PLA2G4D: variants seen among roughly 807,000 people sequenced by gnomAD.
The protein encoded by PLA2G4D is phospholipase A2 group IVD, also known as cytosolic phospholipase A2 delta.
Under a neutral mutation model 94.4 loss-of-function variants are expected in PLA2G4D, and 80 were observed. The observed-to-expected ratio is 0.85, with a 90% CI of 0.71 to 1.02. The LOEUF is 1.02. Among genes scored for constraint, PLA2G4D ranks in the 50% least tolerant of loss-of-function variants. The pLI, the probability that PLA2G4D is intolerant of heterozygous loss-of-function variation, is 0.00. For missense variants in PLA2G4D, 1,050 were observed against 1,034.7 expected (o/e 1.01, Z -0.20); for synonymous variants, 438 against 440.9 (o/e 0.99, Z 0.08).
intron 13 of PLA2G4D, among the ~76,000 whole-genome samples, chr15:42,073,792 C>T (rs1411186614): frequency 6.6e-6 from 1 of 152,128 alleles, no homozygotes; most frequent in Admixed American, 6.5e-5. Context: ...GGATTCCTAC[C>T]CAGCCTACCC....
At position 42,079,648 on chromosome 15, in the gene PLA2G4D, T is replaced by C. The variant is rs747210167; in HGVS notation, c.1206A>G (p.Pro402=). The C allele has an allele frequency of 4.3e-6, 7 of 1,612,962 alleles. No homozygotes were observed. The Admixed American group carries it at 8.4e-5, about 19-fold the overall frequency. The stretch of plus-strand genomic sequence containing the variant: ...CCCGGCGGTAGCTCGCCAGGCGCTC[T>C]GGGGAAAAGACCTCCAGCTTGCTCT... ...LAKSKLEVFS[P]ERLASYRREL... is the part of the protein sequence containing the mutation. The change falls in exon 13 of 20, where the codon CCA becomes CCG. Residue 402 remains proline, a synonymous_variant. Transcript: ENST00000290472.
In PLA2G4D at chr15:42,071,513, C is replaced by T. The variant is rs148855827; in HGVS notation, c.1612G>A (p.Ala538Thr). Residue 538 changes from alanine to threonine, a missense_variant, in exon 16 of 20, where the codon GCC becomes ACC. Ala to Thr is a moderately conservative substitution (Grantham distance 58). Coordinates refer to ENST00000290472, the MANE Select transcript of PLA2G4D (RefSeq NM_178034.4). The part of the protein sequence containing the change: ...SNIFSLNLLD[A>T]WYDLTSSGES... ...CCAGAACTGGTGAGGTCATACCAGGCATCCAGCAGGTTCAGGGAGAAAATG... is the reference window on the plus strand; with the variant it reads ...CCAGAACTGGTGAGGTCATACCAGGTATCCAGCAGGTTCAGGGAGAAAATG... 1.2e-6 allele frequency: 2 copies of T among 1,613,838 alleles called. No homozygotes were observed. The highest frequency in any genetic ancestry group is 2.7e-5 in the African/African-American group (2 of 74,908).
Position 42,081,787 on chromosome 15 carries a change from T to G in PLA2G4D, c.821+10A>C, listed in dbSNP as rs1279001848. The G allele has an allele frequency of 6.2e-7, 1 of 1,614,048 alleles. No homozygotes were observed. The highest frequency in any genetic ancestry group is 1.3e-5 in the African/African-American group (1 of 74,916). ...CTCTCACTGTCCCCACAGATGTGAA[T>G]GTCCCTTACCAGCCCTCTGCCTTGA... is the stretch of plus-strand genomic sequence containing the variant. On this transcript the variant is annotated intron_variant, in intron 10 of 19. Coordinates refer to ENST00000290472, the MANE Select transcript of PLA2G4D (RefSeq NM_178034.4).
At position 42,068,642 on chromosome 15, in the gene PLA2G4D, C is replaced by A. The variant is rs1354525666; in HGVS notation, c.*73G>T. On this transcript the variant is annotated 3_prime_UTR_variant, in exon 20 of 20. Transcript: ENST00000290472. ...GAGCCCAGAACTCCAACCAGGAAGG[C>A]CTGTGGCTGAGCCCAGCTACAGATC... 4 of 1,413,788 alleles carry A rather than the reference C, an allele frequency of 2.8e-6. No homozygotes were observed. Among genetic ancestry groups the A allele is most frequent in the African/African-American group, 1.4e-5 (1 of 70,202 alleles). 87.6% of individuals were successfully genotyped at this position (1,413,788 alleles called of 1,614,324 possible).
At chr15:42,070,672 T>G (rs748048170) in intron 18 of PLA2G4D, 45 bp downstream of exon 18, 3 of 1,536,034 alleles carry the variant, frequency 2.0e-6, no homozygotes. Context: ...CCTCTGGAGC[T>G]TGGCCTGGCT....
chr15:42,068,807 C>T lies in PLA2G4D; in HGVS notation c.2365G>A (p.Val789Met), dbSNP rs375867370. Reference sequence around the variant, plus strand: ...AGGATGGCACCCTGGCTGGTCTGCACGTTGTAGTCACTGAGCCGCAGCAGG... The same window carrying T: ...AGGATGGCACCCTGGCTGGTCTGCATGTTGTAGTCACTGAGCCGCAGCAGG... Reference protein sequence around the residue: ...ERLLRLSDYNVQTSQGAILQA... With the variant: ...ERLLRLSDYNMQTSQGAILQA... The change falls in exon 20 of 20, where the codon GTG (valine) becomes ATG (methionine). Residue 789 changes from valine to methionine, a missense_variant. By Grantham distance (21) the Val-to-Met change is conservative (BLOSUM62 1). Transcript: ENST00000290472. 99 of 1,613,646 alleles carry T rather than the reference C, an allele frequency of 6.1e-5. No homozygotes were observed. Among genetic ancestry groups the T allele is most frequent in the African/African-American group, 8.0e-5 (6 of 74,940 alleles).
At chr15:42,094,293 G>A in intron 1 of PLA2G4D, 122 bp downstream of exon 1, 1 of 1,143,244 alleles carries the variant, frequency 8.7e-7, no homozygotes, top group East Asian at 2.5e-5. Context: ...CCAAATCTCA[G>A]ACTCCCTCGC....
At chr15:42,074,269 C>T (rs991554161) in intron 13 of PLA2G4D, among the ~76,000 whole-genome samples, 2 of 152,152 alleles carry the variant, frequency 1.3e-5, no homozygotes, top group African/African-American at 4.8e-5. Context: ...TCTCTAACCC[C>T]CCAGTTTCCA....
intron 1 of PLA2G4D, among the ~76,000 whole-genome samples, chr15:42,089,375 C>A (rs1193330876): frequency 6.6e-6 from 1 of 152,178 alleles, no homozygotes; most frequent in African/African-American, 2.4e-5. Flanking sequence ...CACAGCAAAG[C>A]CATATGCCTG....
Position 42,086,194 on chromosome 15 carries a change from T to TGGGGGGGCG in PLA2G4D, c.387+18_387+19insCGCCCCCCC. ...GGAAGAAGTGGGGCCCACGGGGACT[T>TGGGGGGGCG]CCCCACCCACCCACCCACCTGGGGA... On this transcript the variant is annotated intron_variant, in intron 4 of 19. Coordinates refer to ENST00000290472, the MANE Select transcript of PLA2G4D (RefSeq NM_178034.4). 11 of 1,370,428 alleles carry TGGGGGGGCG rather than the reference T, an allele frequency of 8.0e-6. No individual in the cohort carries two copies. Among genetic ancestry groups the TGGGGGGGCG allele is most frequent in the South Asian group, 1.5e-5 (1 of 66,866 alleles). The allele number at this position is 1,370,428 out of a possible 1,614,324, so 84.9% of individuals were successfully genotyped here. A position where few individuals can be genotyped will look rare whatever the true frequency, so the allele number is the denominator to read the frequency against.
intron 18 of PLA2G4D, 72 bp from the exon 19 acceptor site, chr15:42,070,167 C>T (rs78952694): frequency 0.1 from 138,350 of 1,328,272 alleles, 8,052 homozygotes; most frequent in Non-Finnish European, 0.12. Flanking sequence ...CCAGCCCACA[C>T]CAGCTGCTTC....
rs1360655208 is a variant in PLA2G4D, at chr15:42,084,203, C to T, written c.472-424G>A. Among the ~76,000 whole-genome samples, 3 of 152,168 alleles carry T rather than the reference C, an allele frequency of 2.0e-5. No individual in the cohort carries two copies. Among genetic ancestry groups the T allele is most frequent in the African/African-American group, 7.2e-5 (3 of 41,438 alleles). ...GACAAACCCTCAGAACGTCTCCTGG[C>T]TGTCCTCTGTGGCCTAACTGGGGGA... On this transcript the variant is annotated intron_variant, in intron 6 of 19. Coordinates refer to ENST00000290472, the MANE Select transcript of PLA2G4D (RefSeq NM_178034.4). This position sits in a 1 kb window ranked among gnomAD's most constrained non-coding sequence, Gnocchi z 4.8.
intron 17 of PLA2G4D, 62 bp from the exon 18 acceptor site, chr15:42,070,945 T>C: frequency 6.4e-7 from 1 of 1,566,572 alleles, no homozygotes; most frequent in South Asian, 1.2e-5. Flanking sequence ...CATGTCCCCT[T>C]CTCTCCTCTG....
At chr15:42,094,280 A>C in intron 1 of PLA2G4D, 135 bp downstream of exon 1, 3 of 937,508 alleles carry the variant, frequency 3.2e-6, no homozygotes, top group Non-Finnish European at 3.2e-6. Context: ...CCCACTCTGC[A>C]TCCCAAATCT....
intron 12 of PLA2G4D, 59 bp downstream of exon 12, chr15:42,080,938 C>T: frequency 6.4e-7 from 1 of 1,574,092 alleles, no homozygotes; most frequent in Non-Finnish European, 8.6e-7. Context: ...CTCTGGTGCC[C>T]ACTCTGCCCC....
chr15:42,081,546 C>T lies in PLA2G4D; in HGVS notation c.890G>A (p.Arg297Lys). 1.2e-6 allele frequency: 2 copies of T among 1,614,218 alleles called. No homozygotes were observed. The highest frequency in any genetic ancestry group is 1.7e-6 in the Non-Finnish European group (2 of 1,180,028). Residue 297 changes from arginine (R) to lysine (K), a missense_variant, in exon 11 of 20, where the codon AGG (arginine) becomes AAG (lysine). Transcript: ENST00000290472. Reference sequence around the variant, plus strand: ...CAGGGCCTTGGCCACCACCTGCTTCCTCCTGCTCAGGAAGGCCTGCTCCTC... The same window carrying T: ...CAGGGCCTTGGCCACCACCTGCTTCTTCCTGCTCAGGAAGGCCTGCTCCTC... ...CAEEQAFLSR[R>K]KQVVAKALKQ...
At position 42,068,806 on chromosome 15, in the gene PLA2G4D, AC is replaced by A. The variant is rs1271041183; in HGVS notation, c.2365del (p.Val789CysfsTer12). On this transcript the variant is annotated frameshift_variant, in exon 20 of 20. Transcript: ENST00000290472. LOFTEE classifies it low-confidence loss of function (END_TRUNC). ...CAGGATGGCACCCTGGCTGGTCTGCACGTTGTAGTCACTGAGCCGCAGCAGG... is the reference window on the plus strand; with the variant it reads ...CAGGATGGCACCCTGGCTGGTCTGCAGTTGTAGTCACTGAGCCGCAGCAGG... ...ERLLRLSDYNVQTSQGAILQA... is the reference protein window; with the variant it reads ...ERLLRLSDYNXQTSQGAILQA... The A allele has an allele frequency of 3.1e-6, 5 of 1,613,660 alleles. No individual in the cohort carries two copies. The African/African-American group carries it at 6.7e-5, about 22-fold the overall frequency.
In PLA2G4D at chr15:42,068,881, C is replaced by T. The variant is rs764244132; in HGVS notation, c.2291G>A (p.Cys764Tyr). 4 of 1,613,226 alleles carry T rather than the reference C, an allele frequency of 2.5e-6. No individual in the cohort carries two copies. Among genetic ancestry groups the T allele is most frequent in the Admixed American group, 1.7e-5 (1 of 60,016 alleles). The part of the protein sequence containing the change: ...GGQVDLTGAT[C>Y]PYTLSNMTYK... The stretch of plus-strand genomic sequence containing the variant: ...GGTCATGTTGGACAGGGTGTAGGGG[C>T]AGGTGGCCCCGGTGAGATCCACTTG... The change falls in exon 20 of 20, where the codon TGC (cysteine) becomes TAC (tyrosine). Residue 764 changes from cysteine (C) to tyrosine (Y), a missense_variant. By Grantham distance (194) the Cys-to-Tyr change is radical. Coordinates refer to ENST00000290472, the MANE Select transcript of PLA2G4D (RefSeq NM_178034.4).
At chr15:42,086,489 T>A in intron 3 of PLA2G4D, 145 bp from the exon 4 acceptor site, 1 of 755,570 alleles carries the variant, frequency 1.3e-6, no homozygotes, top group Non-Finnish European at 2.1e-6. Flanking sequence ...AAAAAAACTG[T>A]AAAACTTAAA....
Sources: allele counts gnomAD v4.1 joint callset (sites outside exome capture counted in the v4.1 genomes callset), GRCh38; gene constraint gnomAD v4.1.1; non-coding constraint Gnocchi (gnomAD v3.1); transcripts MANE v1.5; gene names NCBI Gene and HGNC (gene_info 2026-07-23, HGNC 2026-07-21).